The following PCDHA13 variants were observed in gnomAD, a reference collection of about 807,000 sequenced individuals.
PCDHA13 encodes the protein protocadherin alpha-13.
In PCDHA13, 54 loss-of-function variants were observed where a neutral mutation model predicts 64.8. The ratio of observed to expected loss-of-function variants is 0.83; its 90% CI spans 0.67 to 1.04. PCDHA13 has a LOEUF of 1.04. Among genes scored for constraint, PCDHA13 ranks in the 50% least tolerant of loss-of-function variants. The probability of loss-of-function intolerance (pLI) is 0.00; values close to 1 mark genes in which losing one functional copy is unlikely to be tolerated. For synonymous variants in PCDHA13, 587 were observed against 564.4 expected (o/e 1.04, Z -0.57); for missense variants, 1,248 against 1,254.3 (o/e 0.99, Z 0.08).
chr5:140,885,310 G>T (rs1554182115), intron 1 of PCDHA13, among the ~76,000 whole-genome samples: 1 of 152,038 alleles, frequency 6.6e-6, no homozygotes. Context: ...TAGGCTTTTT[G>T]TTATTATTTC....
At position 140,969,614 on chromosome 5, in the gene PCDHA13, T is replaced by G. The variant is rs56144348; in HGVS notation, c.2395-9335T>G. The G allele has an allele frequency of 1.3e-3, 977 of 725,126 alleles. 8 individuals are homozygous for G. In the African/African-American group the frequency reaches 0.016, roughly 12 times the overall value. 44.9% of individuals were successfully genotyped at this position (725,126 alleles called of 1,614,324 possible). A position where few individuals can be genotyped will look rare whatever the true frequency, so the allele number is the denominator to read the frequency against. ...AATATTTAATGCTAAAACACAGATT[T>G]GTAGAGAAACAGGACAGGCCTTGGA... On this transcript the variant is annotated intron_variant, in intron 1 of 3. Transcript: ENST00000289272.
chr5:140,908,186 G>A (rs189627133), intron 1 of PCDHA13, among the ~76,000 whole-genome samples: 52 of 152,292 alleles, frequency 3.4e-4, no homozygotes, highest in African/African-American at 1.2e-3. Context: ...CCACTTTCAG[G>A]TGGTGGACAT....
rs781801106 is a variant in PCDHA13, at chr5:140,883,809, G to A, written c.1541G>A (p.Ser514Asn). Residue 514 changes from serine to asparagine, a missense_variant, in exon 1 of 4, where the codon AGC becomes AAC. Transcript: ENST00000289272. ...AGCTACGTGTCGGTGCACGCGGAGA[G>A]CGGCAAGGTGTACGCGCTGCAGCCG... ...LSSYVSVHAE[S>N]GKVYALQPLD... 6.2e-7 allele frequency: 1 copy of A among 1,612,420 alleles called. No individual in the cohort carries two copies. The highest frequency in any genetic ancestry group is 2.2e-5 in the East Asian group (1 of 44,866).
intron 3 of PCDHA13, among the ~76,000 whole-genome samples, chr5:140,983,182 C>T (rs782457174): frequency 6.6e-6 from 1 of 152,188 alleles, no homozygotes; most frequent in Non-Finnish European, 1.5e-5. Flanking sequence ...CTCACAATTT[C>T]TTAGTTTAGA....
At chr5:141,005,130 T>C (rs2153983471) in intron 3 of PCDHA13, among the ~76,000 whole-genome samples, 1 of 152,358 alleles carries the variant, frequency 6.6e-6, no homozygotes, top group South Asian at 2.1e-4. Flanking sequence ...CAAAAGTGCC[T>C]CATTGGAGAG....
intron 1 of PCDHA13, among the ~76,000 whole-genome samples, chr5:140,931,879 T>A (rs1335268218): frequency 3.3e-5 from 5 of 151,966 alleles, no homozygotes; most frequent in Non-Finnish European, 7.4e-5. Flanking sequence ...TATTTATTGC[T>A]TTCATTTTAT....
At chr5:140,955,823 T>C (rs1189753862) in intron 1 of PCDHA13, among the ~76,000 whole-genome samples, 1 of 152,208 alleles carries the variant, frequency 6.6e-6, no homozygotes, top group African/African-American at 2.4e-5. Flanking sequence ...GTGATTTCCT[T>C]GAGCAGTGGT....
chr5:140,939,028 C>T (rs1231920381), intron 1 of PCDHA13, among the ~76,000 whole-genome samples: 6 of 152,098 alleles, frequency 3.9e-5, no homozygotes, highest in East Asian at 1.9e-4. Context: ...TTTACTTATT[C>T]GGAAGAGTTG....
At chr5:140,916,606 C>A (rs561641984) in intron 1 of PCDHA13, among the ~76,000 whole-genome samples, 1 of 152,168 alleles carries the variant, frequency 6.6e-6, no homozygotes, top group African/African-American at 2.4e-5. Context: ...GGAATGCGGG[C>A]CTCATGACTC....
At chr5:140,969,935 T>C (rs1490184904) in intron 1 of PCDHA13, among the ~76,000 whole-genome samples, 2 of 152,222 alleles carry the variant, frequency 1.3e-5, no homozygotes, top group Non-Finnish European at 2.9e-5. Context: ...TTAGACATCA[T>C]ACTGAAGCTA....
At chr5:140,976,833 C>T (rs2096733011) in intron 1 of PCDHA13, among the ~76,000 whole-genome samples, 1 of 152,140 alleles carries the variant, frequency 6.6e-6, no homozygotes, top group Non-Finnish European at 1.5e-5. Flanking sequence ...ATGAGCAAAA[C>T]AGATATAATC....
Position 140,884,075 on chromosome 5 carries a change from T to C in PCDHA13, c.1807T>C (p.Tyr603His), listed in dbSNP as rs2059980601. The C allele has an allele frequency of 6.2e-7, 1 of 1,613,342 alleles. No homozygotes were observed. The highest frequency in any genetic ancestry group is 1.1e-5 in the South Asian group (1 of 91,062). ...GCGCGCGGTGGACGCCGATTCGGGC[T>C]ACAATGCGTGGCTTTCGTATGAATT... ...KVRAVDADSG[Y>H]NAWLSYELQL... Residue 603 changes from tyrosine to histidine, a missense_variant, in exon 1 of 4, where the codon TAC (tyrosine) becomes CAC (histidine). By Grantham distance (83) the Tyr-to-His change is moderately conservative. Transcript: ENST00000289272.
chr5:141,003,352 C>T (rs747533399), intron 3 of PCDHA13, among the ~76,000 whole-genome samples: 38 of 152,318 alleles, frequency 2.5e-4, no homozygotes, highest in Non-Finnish European at 1.5e-4. Context: ...TGCTCTGTCA[C>T]CCAGGCTGGA....
chr5:140,942,545 G>T (rs981508818), intron 1 of PCDHA13, among the ~76,000 whole-genome samples: 1 of 151,970 alleles, frequency 6.6e-6, no homozygotes, highest in Non-Finnish European at 1.5e-5. Flanking sequence ...ATGGTGGGGG[G>T]TAGGGGGTTG....
intron 3 of PCDHA13, 162 bp downstream of exon 3, chr5:140,982,725 A>G (rs2096999365): frequency 1.1e-6 from 1 of 902,882 alleles, no homozygotes; most frequent in African/African-American, 1.8e-5. Flanking sequence ...GATTATTTTG[A>G]TTTTATACCT....
chr5:140,983,588 C>G (rs530448589), intron 3 of PCDHA13, among the ~76,000 whole-genome samples: 1 of 152,152 alleles, frequency 6.6e-6, no homozygotes, highest in African/African-American at 2.4e-5. Context: ...TACATCTATT[C>G]TACATATGAG....
intron 3 of PCDHA13, among the ~76,000 whole-genome samples, chr5:140,993,099 C>T (rs1253807421): frequency 6.6e-6 from 1 of 152,206 alleles, no homozygotes; most frequent in Non-Finnish European, 1.5e-5. Context: ...TATGTTTATT[C>T]AGCGGTCAGT....
chr5:140,923,498 C>T (rs1233893951), intron 1 of PCDHA13, among the ~76,000 whole-genome samples: 2 of 152,018 alleles, frequency 1.3e-5, no homozygotes, highest in African/African-American at 4.8e-5. Context: ...CACTGCACTC[C>T]AGCCTGGATG....
intron 1 of PCDHA13, among the ~76,000 whole-genome samples, chr5:140,895,474 C>T (rs947771616): frequency 2.1e-4 from 32 of 152,154 alleles, no homozygotes; most frequent in African/African-American, 7.0e-4. Flanking sequence ...TTATCCTCTT[C>T]GGAGAAATAC....
Sources: gnomAD v4.1 joint callset for allele counts (sites outside exome capture counted in the v4.1 genomes callset) on GRCh38, gnomAD v4.1.1 for gene constraint, MANE v1.5 for transcripts, NCBI Gene and HGNC (gene_info 2026-07-23, HGNC 2026-07-21) for gene names.